Variants in SGCZ observed in about 807,000 individuals in gnomAD.
The protein encoded by SGCZ is sarcoglycan zeta, also known as zeta-sarcoglycan.
SGCZ carries 40 observed loss-of-function variants against 41.3 expected under a neutral mutation model. The ratio of observed to expected loss-of-function variants is 0.97; its 90% confidence interval spans 0.75 to 1.26. SGCZ has a LOEUF of 1.26. Among genes scored for constraint, SGCZ ranks in the 50% most tolerant of loss-of-function variants. The probability of loss-of-function intolerance (pLI) is 0.00; values close to 1 mark genes in which losing one functional copy is unlikely to be tolerated. For synonymous variants in SGCZ, 206 were observed against 137.5 expected (o/e 1.50, Z -3.49); for missense variants, 552 against 369.8 (o/e 1.49, Z -4.04).
chr8:15,202,618 A>G (rs1175268934), intron 1 of SGCZ, among the ~76,000 whole-genome samples: 2 of 152,134 alleles, frequency 1.3e-5, no homozygotes, highest in East Asian at 3.9e-4. Flanking sequence ...TCATGTAACC[A>G]AACACAACCT....
intron 1 of SGCZ, among the ~76,000 whole-genome samples, chr8:14,779,176 G>T (rs746989098): frequency 6.6e-6 from 1 of 151,984 alleles, no homozygotes; most frequent in Non-Finnish European, 1.5e-5. Flanking sequence ...ATTAAATCAT[G>T]GTCACCTATA....
intron 1 of SGCZ, among the ~76,000 whole-genome samples, chr8:14,891,465 G>T (rs1246167687): frequency 6.6e-6 from 1 of 152,186 alleles, no homozygotes; most frequent in East Asian, 1.9e-4. Context: ...AGATGTGACT[G>T]AATTGCTACA....
At chr8:15,086,230 A>G (rs755501876) in intron 1 of SGCZ, among the ~76,000 whole-genome samples, 66 of 152,232 alleles carry the variant, frequency 4.3e-4, no homozygotes, top group Non-Finnish European at 1.3e-4. Context: ...TCTGAACAAT[A>G]TAACAATCTC....
chr8:14,981,976 C>G (rs1801676535), intron 1 of SGCZ, among the ~76,000 whole-genome samples: 1 of 151,742 alleles, frequency 6.6e-6, no homozygotes, highest in Admixed American at 6.6e-5. Context: ...ATGGTGAAAC[C>G]CCATCTCTAC....
At chr8:14,899,867 A>AGAAGAAGAAGAAGAAGAAGAAGAG (rs754251454) in intron 1 of SGCZ, among the ~76,000 whole-genome samples, 179 of 151,806 alleles carry the variant, frequency 1.2e-3, no homozygotes, top group African/African-American at 4.2e-3. Context: ...AAGAAGAAGA[A>AGAAGAAGAAGAAGAAGAAGAAGAG]GAGGAGGAGG....
intron 1 of SGCZ, among the ~76,000 whole-genome samples, chr8:14,898,339 G>T (rs1288338849): frequency 3.3e-5 from 5 of 152,172 alleles, no homozygotes; most frequent in African/African-American, 1.2e-4. Context: ...TCAACAGCCT[G>T]TGCCAGGGTG....
intron 1 of SGCZ, among the ~76,000 whole-genome samples, chr8:14,920,697 T>C (rs529183627): frequency 3.9e-5 from 6 of 152,294 alleles, no homozygotes; most frequent in Non-Finnish European, 8.8e-5. Flanking sequence ...AAAAATATTA[T>C]AGACTTTCCC....
chr8:14,594,894 C>T (rs1265164761), intron 1 of SGCZ, among the ~76,000 whole-genome samples: 9 of 151,822 alleles, frequency 5.9e-5, no homozygotes, highest in African/African-American at 9.7e-5. Context: ...ATTACAGAGA[C>T]ACTGTTATAT....
chr8:14,814,633 A>G (rs1797229277), intron 1 of SGCZ, among the ~76,000 whole-genome samples: 1 of 152,148 alleles, frequency 6.6e-6, no homozygotes, highest in African/African-American at 2.4e-5. Context: ...TTCAGAGAAG[A>G]TGGGAGGACG....
At chr8:14,293,230 C>T (rs919004119) in intron 3 of SGCZ, among the ~76,000 whole-genome samples, 1 of 151,954 alleles carries the variant, frequency 6.6e-6, no homozygotes, top group Non-Finnish European at 1.5e-5. Flanking sequence ...ACAGAAAAAT[C>T]CCAGTGGACA....
chr8:14,662,610 A>G (rs915044245), intron 1 of SGCZ, among the ~76,000 whole-genome samples: 22 of 152,228 alleles, frequency 1.4e-4, no homozygotes, highest in Admixed American at 1.3e-4. Flanking sequence ...GTTAGGCTAA[A>G]TAATGGTCCT....
intron 1 of SGCZ, among the ~76,000 whole-genome samples, chr8:14,831,439 C>A (rs900878139): frequency 6.6e-6 from 1 of 152,180 alleles, no homozygotes; most frequent in Non-Finnish European, 1.5e-5. Context: ...CTCCTGGATG[C>A]TCATAATTCT....
In SGCZ at chr8:14,102,488, G is replaced by A; in HGVS notation, c.632C>T (p.Pro211Leu). The A allele has an allele frequency of 6.9e-7, 1 of 1,445,048 alleles. No individual in the cohort carries two copies. Among genetic ancestry groups the A allele is most frequent in the Non-Finnish European group, 9.2e-7 (1 of 1,081,678 alleles). 89.5% of individuals were successfully genotyped at this position (1,445,048 alleles called of 1,614,324 possible). Residue 211 changes from proline (P) to leucine (L), a missense_variant, in exon 7 of 8, where the codon CCC (proline) becomes CTC (leucine). By Grantham distance (98) the Pro-to-Leu change is moderately conservative. Coordinates refer to ENST00000382080, the MANE Select transcript of SGCZ (RefSeq NM_139167.4). The part of the protein sequence containing the change: ...EPSQDLRLES[P>L]TRSLIMEAPR... ...AGCTTCCATGATCAAGGATCTGGTG[G>A]GTGATTCAAGCCTAAGGGAAAAACA...
intron 1 of SGCZ, among the ~76,000 whole-genome samples, chr8:14,740,663 T>C (rs1477013597): frequency 1.3e-5 from 2 of 152,064 alleles, no homozygotes; most frequent in African/African-American, 4.8e-5. Flanking sequence ...CTCTGTGCTT[T>C]CTCAGTCGTC....
At chr8:14,632,697 G>C (rs1249881038) in intron 1 of SGCZ, among the ~76,000 whole-genome samples, 1 of 151,996 alleles carries the variant, frequency 6.6e-6, no homozygotes, top group Non-Finnish European at 1.5e-5. Flanking sequence ...CAATTCATCT[G>C]AAATCAGGAG....
chr8:15,028,928 T>A (rs983473038), intron 1 of SGCZ, among the ~76,000 whole-genome samples: 2 of 152,066 alleles, frequency 1.3e-5, no homozygotes, highest in Admixed American at 1.3e-4. Flanking sequence ...AACATATTCA[T>A]AATCAAGTTT....
In SGCZ at chr8:14,100,582, ATAATATAT is replaced by A. The variant is rs1282644217; in HGVS notation, c.744+1786_744+1793del. On this transcript the variant is annotated intron_variant, in intron 7 of 7. Coordinates refer to ENST00000382080, the MANE Select transcript of SGCZ (RefSeq NM_139167.4). ...ATATTATATATTAATATATTTTCAA[ATAATATAT>A]TATATTTTATTAATTTATATTAATA... 7.2e-4 allele frequency among the ~76,000 whole-genome samples: 67 copies of A among 93,332 alleles called. No homozygotes were observed. The East Asian group carries it at 0.078, about 109-fold the overall frequency. The allele number at this position is 93,332 out of a possible 152,430, so 61.2% of individuals were successfully genotyped here.
intron 2 of SGCZ, among the ~76,000 whole-genome samples, chr8:14,481,199 C>A (rs759973319): frequency 9.2e-5 from 14 of 152,004 alleles, no homozygotes; most frequent in African/African-American, 3.4e-4. Flanking sequence ...ATATATGATG[C>A]TTAATTTTGG....
intron 1 of SGCZ, among the ~76,000 whole-genome samples, chr8:14,628,369 G>A (rs180892509): frequency 3.1e-4 from 47 of 152,064 alleles, no homozygotes; most frequent in African/African-American, 9.6e-4. Flanking sequence ...TCGGATTAGA[G>A]CACTGTGTTC....
Sources: allele counts gnomAD v4.1 joint callset (sites outside exome capture counted in the v4.1 genomes callset), GRCh38; gene constraint gnomAD v4.1.1; transcripts MANE v1.5; gene names NCBI Gene and HGNC (gene_info 2026-07-23, HGNC 2026-07-21).